Variants in CTNNBL1 observed in about 807,000 individuals in gnomAD.
CTNNBL1 encodes catenin beta like 1.
CTNNBL1 carries 31 observed loss-of-function variants against 72.7 expected under a neutral mutation model. The ratio of observed to expected loss-of-function variants is 0.43; its 90% CI spans 0.32 to 0.58. The LOEUF is 0.58. CTNNBL1 is among the 20% of genes least tolerant of loss of function. The pLI is 0.08. For synonymous variants in CTNNBL1, 240 were observed against 267.3 expected (o/e 0.90, Z 1.00); for missense variants, 534 against 725.1 (o/e 0.74, Z 3.03).
rs772344698 is a variant in CTNNBL1 at position 37,802,901 on chromosome 20, G to A, written c.1066G>A (p.Val356Met). ...KKISRSSALK[V>M]LDHAMIGPEG... is the part of the protein sequence containing the mutation. ...GATCTCCCGGAGCAGTGCCCTGAAA[G>A]TGCTGGACCATGCCATGATTGGCCC... Residue 356 changes from valine to methionine, a missense_variant, in exon 11 of 16, where the codon GTG (valine) becomes ATG (methionine). Val to Met is a conservative substitution (Grantham distance 21). Coordinates refer to ENST00000361383, the MANE Select transcript of CTNNBL1 (RefSeq NM_030877.5). 6.2e-7 allele frequency: 1 copy of A among 1,613,946 alleles called. No individual in the cohort carries two copies. The highest frequency in any genetic ancestry group is 8.5e-7 in the Non-Finnish European group (1 of 1,179,984).
rs6021131 is a variant in CTNNBL1 at position 37,819,913 on chromosome 20, C to T, written c.1213+16865C>T. On this transcript the variant is annotated intron_variant, in intron 11 of 15. Coordinates refer to ENST00000361383, the MANE Select transcript of CTNNBL1 (RefSeq NM_030877.5). ...TTTTTGAGACACAGTTTCGCTCTGT[C>T]GCCCAGGCTGGAGTGCACTGGCATG... Among the ~76,000 whole-genome samples the T allele has an allele frequency of 1.2e-3, 159 of 136,010 alleles. 2 individuals carry two copies. Among genetic ancestry groups the T allele is most frequent in the African/African-American group, 4.0e-3 (144 of 36,438 alleles). 89.2% of individuals were successfully genotyped at this position (136,010 alleles called of 152,430 possible). A position where few individuals can be genotyped will look rare whatever the true frequency, so the allele number is the denominator to read the frequency against.
At chr20:37,807,429 C>T (rs2071969474) in intron 11 of CTNNBL1, among the ~76,000 whole-genome samples, 1 of 152,206 alleles carries the variant, frequency 6.6e-6, no homozygotes, top group Non-Finnish European at 1.5e-5. Flanking sequence ...GTTGGTTTTA[C>T]TGGCCTGTGG....
intron 1 of CTNNBL1, among the ~76,000 whole-genome samples, chr20:37,714,686 C>T (rs2072970696): frequency 6.6e-6 from 1 of 152,214 alleles, no homozygotes; most frequent in Admixed American, 6.5e-5. Context: ...TTTCTCTTTA[C>T]CCAGCCTTAT....
chr20:37,854,043 G>GT (rs1178191693), intron 13 of CTNNBL1, among the ~76,000 whole-genome samples: 2 of 152,066 alleles, frequency 1.3e-5, no homozygotes, highest in Non-Finnish European at 2.9e-5. Context: ...AGCTATAGTC[G>GT]TATCTCAGAT....
rs56281604 is a variant in CTNNBL1 at position 37,870,011 on chromosome 20, T to TA, written c.1604-1899dup. On this transcript the variant is annotated intron_variant, in intron 15 of 15. Transcript: ENST00000361383. Reference sequence around the variant, plus strand: ...CACCAAATCATCCCTCGCCATCTCCTAAAAAAAAAAAAAAACAGGGTGACC... The same window carrying TA: ...CACCAAATCATCCCTCGCCATCTCCTAAAAAAAAAAAAAAAACAGGGTGACC... Among the ~76,000 whole-genome samples the TA allele has an allele frequency of 4.6e-3, 509 of 110,128 alleles. 3 individuals carry two copies. The highest frequency in any genetic ancestry group is 0.016 in the East Asian group (61 of 3,814). The allele number at this position is 110,128 out of a possible 152,430, so 72.2% of individuals were successfully genotyped here.
chr20:37,714,569 A>T (rs1280316731), intron 1 of CTNNBL1, among the ~76,000 whole-genome samples: 1 of 152,208 alleles, frequency 6.6e-6, no homozygotes, highest in African/African-American at 2.4e-5. Flanking sequence ...GTTGACTGGC[A>T]TTTCTTTTAA....
At chr20:37,726,787 A>C (rs889068869) in intron 1 of CTNNBL1, among the ~76,000 whole-genome samples, 1 of 152,220 alleles carries the variant, frequency 6.6e-6, no homozygotes, top group African/African-American at 2.4e-5. Context: ...GGAACTTGGA[A>C]TGTTGAGCTA....
At chr20:37,870,324 C>T (rs1325869562) in intron 15 of CTNNBL1, among the ~76,000 whole-genome samples, 2 of 152,042 alleles carry the variant, frequency 1.3e-5, no homozygotes, top group African/African-American at 2.4e-5. Flanking sequence ...ATTCTCTCTC[C>T]CTCCCTTCCC....
chr20:37,841,041 G>C (rs933437241), intron 12 of CTNNBL1, among the ~76,000 whole-genome samples: 1 of 152,226 alleles, frequency 6.6e-6, no homozygotes, highest in African/African-American at 2.4e-5. Context: ...ACAGTAATAA[G>C]AGCTACCATT....
chr20:37,825,496 G>A (rs988135137), intron 11 of CTNNBL1, among the ~76,000 whole-genome samples: 2 of 152,090 alleles, frequency 1.3e-5, no homozygotes, highest in African/African-American at 4.8e-5. Context: ...CCAACGTGGT[G>A]AAACCCCATC....
chr20:37,725,648 T>C (rs2073078346), intron 1 of CTNNBL1, among the ~76,000 whole-genome samples: 1 of 150,320 alleles, frequency 6.7e-6, no homozygotes, highest in African/African-American at 2.4e-5. Flanking sequence ...GGGAGCTCAG[T>C]GTGTTGTTTT....
Position 37,871,915 on chromosome 20 carries a change from G to A in CTNNBL1, c.1604-10G>A. 1 of 1,612,038 alleles carries A rather than the reference G, an allele frequency of 6.2e-7. No individual in the cohort carries two copies. The highest frequency in any genetic ancestry group is 8.5e-7 in the Non-Finnish European group (1 of 1,178,272). On this transcript the variant is annotated splice_polypyrimidine_tract_variant and intron_variant, in intron 15 of 15. Coordinates refer to ENST00000361383, the MANE Select transcript of CTNNBL1 (RefSeq NM_030877.5). ...GGGATCCACTCCTGACTCTATCTTTGTCCCCCTAGAGTATGCAGAGAACAT... is the reference window on the plus strand; with the variant it reads ...GGGATCCACTCCTGACTCTATCTTTATCCCCCTAGAGTATGCAGAGAACAT...
chr20:37,705,569 T>C (rs987321448), intron 1 of CTNNBL1, among the ~76,000 whole-genome samples: 1 of 152,212 alleles, frequency 6.6e-6, no homozygotes, highest in Non-Finnish European at 1.5e-5. Context: ...GAGAACAGTT[T>C]GTTACCCACA....
At chr20:37,761,319 CT>C (rs1225275915) in intron 5 of CTNNBL1, among the ~76,000 whole-genome samples, 14 of 152,218 alleles carry the variant, frequency 9.2e-5, no homozygotes, top group African/African-American at 3.4e-4. Context: ...GGGGACTACC[CT>C]CCATACTCAT....
At chr20:37,749,666 A>G (rs1208832739) in intron 4 of CTNNBL1, among the ~76,000 whole-genome samples, 1 of 152,120 alleles carries the variant, frequency 6.6e-6, no homozygotes. Context: ...AATTACCTTA[A>G]TTTTAATTAG....
chr20:37,843,497 C>T (rs2072322109), intron 13 of CTNNBL1, among the ~76,000 whole-genome samples: 1 of 152,190 alleles, frequency 6.6e-6, no homozygotes, highest in African/African-American at 2.4e-5. Context: ...AGACAGTGAC[C>T]TTGTTATCTG....
chr20:37,819,076 TAGAGA>T (rs1401690883), intron 11 of CTNNBL1, among the ~76,000 whole-genome samples: 3 of 152,226 alleles, frequency 2.0e-5, no homozygotes, highest in African/African-American at 7.2e-5. Context: ...TAGGGGCTTT[TAGAGA>T]TTTCTACTTC....
intron 15 of CTNNBL1, among the ~76,000 whole-genome samples, chr20:37,866,291 G>T (rs77203366): frequency 1.3e-5 from 2 of 152,218 alleles, no homozygotes; most frequent in South Asian, 4.1e-4. Flanking sequence ...AGCGCTGCCC[G>T]GGGTAGTGTG....
intron 5 of CTNNBL1, among the ~76,000 whole-genome samples, chr20:37,757,893 A>G (rs1032229248): frequency 6.6e-6 from 1 of 152,128 alleles, no homozygotes; most frequent in African/African-American, 2.4e-5. Context: ...GGGCAGGGCC[A>G]TTTCTCATTC....
Sources: allele counts gnomAD v4.1 joint callset (sites outside exome capture counted in the v4.1 genomes callset), GRCh38; gene constraint gnomAD v4.1.1; transcripts MANE v1.5; gene names NCBI Gene and HGNC (gene_info 2026-07-23, HGNC 2026-07-21).